STPG2: variants seen among roughly 807,000 people sequenced by gnomAD.
STPG2 encodes sperm-tail PG-rich repeat-containing protein 2.
Under a neutral mutation model 54.2 loss-of-function variants are expected in STPG2, and 56 were observed. That is an observed-to-expected ratio of 1.03 (90% CI 0.83 to 1.29). STPG2 has a LOEUF of 1.29. STPG2 is among the 50% of genes most tolerant of loss of function. The probability of loss-of-function intolerance (pLI) is 0.00; values close to 1 mark genes in which losing one functional copy is unlikely to be tolerated. For missense variants in STPG2, 596 were observed against 544.9 expected (o/e 1.09, Z -0.93); for synonymous variants, 200 against 181.8 (o/e 1.10, Z -0.81).
chr4:98,019,631 G>C (rs970081278), intron 5 of STPG2, among the ~76,000 whole-genome samples: 1 of 150,386 alleles, frequency 6.6e-6, no homozygotes, highest in African/African-American at 2.5e-5. Context: ...TCACAATATT[G>C]ATTCTTCCAA....
chr4:97,502,180 C>A (rs997806043), intron 4 of STPG2, among the ~76,000 whole-genome samples: 3 of 151,560 alleles, frequency 2.0e-5, no homozygotes, highest in Admixed American at 1.3e-4. Context: ...TTTCTAAGAC[C>A]TGAGGATCTG....
intron 4 of STPG2, among the ~76,000 whole-genome samples, chr4:97,473,145 A>G (rs1192818266): frequency 6.6e-6 from 1 of 152,160 alleles, no homozygotes; most frequent in African/African-American, 2.4e-5. Flanking sequence ...ATTGTAGAGC[A>G]TGTGTGTTTG....
At chr4:97,716,407 A>G (rs1724289786) in intron 9 of STPG2, among the ~76,000 whole-genome samples, 1 of 152,182 alleles carries the variant, frequency 6.6e-6, no homozygotes, top group Admixed American at 6.5e-5. Context: ...ACGTATGTTT[A>G]TTGCAGCACT....
chr4:97,660,361 T>C (rs1722343692), intron 10 of STPG2, among the ~76,000 whole-genome samples: 1 of 152,198 alleles, frequency 6.6e-6, no homozygotes, highest in Admixed American at 6.5e-5. Context: ...CTTGCAGCTA[T>C]TGAGCAACTG....
intron 8 of STPG2, chr4:97,893,330 T>C (rs1411646796): frequency 6.6e-6 from 1 of 152,074 alleles, no homozygotes; most frequent in Non-Finnish European, 1.5e-5. Context: ...TGAAGCACTT[T>C]GACTAAAACA....
At chr4:97,882,992 C>T (rs1730433215) in intron 8 of STPG2, among the ~76,000 whole-genome samples, 1 of 151,494 alleles carries the variant, frequency 6.6e-6, no homozygotes, top group African/African-American at 2.4e-5. Flanking sequence ...CACACACACA[C>T]ACACACACAC....
At chr4:98,085,005 C>G (rs75988307) in intron 5 of STPG2, among the ~76,000 whole-genome samples, 1 of 151,738 alleles carries the variant, frequency 6.6e-6, no homozygotes, top group African/African-American at 2.4e-5. Flanking sequence ...CTTTTTGTAC[C>G]CTATCTAAAT....
intron 8 of STPG2, among the ~76,000 whole-genome samples, chr4:97,885,399 A>T (rs1730526065): frequency 6.6e-6 from 1 of 152,250 alleles, no homozygotes; most frequent in South Asian, 2.1e-4. Context: ...CTTTCTAAAT[A>T]TCACGTGTTA....
At chr4:97,685,854 T>C (rs937880082) in intron 10 of STPG2, among the ~76,000 whole-genome samples, 1 of 152,194 alleles carries the variant, frequency 6.6e-6, no homozygotes, top group African/African-American at 2.4e-5. Flanking sequence ...AAAAATAATG[T>C]CCATTTTTGT....
At chr4:98,078,091 TGAGA>T (rs899577976) in intron 5 of STPG2, among the ~76,000 whole-genome samples, 6 of 151,638 alleles carry the variant, frequency 4.0e-5, no homozygotes, top group African/African-American at 1.5e-4. Flanking sequence ...TACCACAAAA[TGAGA>T]GAGAGAGAAA....
chr4:97,757,171 T>G (rs1270010234), intron 9 of STPG2, among the ~76,000 whole-genome samples: 1 of 152,208 alleles, frequency 6.6e-6, no homozygotes, highest in Admixed American at 6.5e-5. Context: ...CCCATGAAGT[T>G]GAAAACTTGG....
chr4:98,142,808 T>C (rs1740335667), intron 1 of STPG2, among the ~76,000 whole-genome samples: 1 of 152,170 alleles, frequency 6.6e-6, no homozygotes, highest in Admixed American at 6.5e-5. Flanking sequence ...AGACAACTAT[T>C]GCGGAATCAA....
chr4:97,782,370 A>T (rs1726669283), intron 9 of STPG2, among the ~76,000 whole-genome samples: 1 of 152,202 alleles, frequency 6.6e-6, no homozygotes, highest in Admixed American at 6.5e-5. Flanking sequence ...CCAACTTACA[A>T]GGGATGTGAA....
chr4:97,594,114 G>A (rs1223475864), intron 10 of STPG2, among the ~76,000 whole-genome samples: 1 of 152,174 alleles, frequency 6.6e-6, no homozygotes, highest in Non-Finnish European at 1.5e-5. Context: ...CTCCAAAACT[G>A]TACTCGTTCC....
At chr4:98,110,983 A>ATATC (rs1560684283) in intron 3 of STPG2, among the ~76,000 whole-genome samples, 6 of 152,158 alleles carry the variant, frequency 3.9e-5, no homozygotes, top group Non-Finnish European at 8.8e-5. Flanking sequence ...TAAAAGAAGT[A>ATATC]TATCAAATAG....
chr4:97,880,800 G>T (rs1343156782), intron 8 of STPG2, among the ~76,000 whole-genome samples: 1 of 151,898 alleles, frequency 6.6e-6, no homozygotes, highest in Non-Finnish European at 1.5e-5. Flanking sequence ...GAGCAGGATT[G>T]AATATATCAC....
intron 8 of STPG2, among the ~76,000 whole-genome samples, chr4:97,934,464 T>A (rs1459596005): frequency 6.6e-6 from 1 of 152,314 alleles, no homozygotes; most frequent in East Asian, 1.9e-4. Context: ...TGCTTCCAGC[T>A]TTTTCCCACT....
At chr4:97,621,249 A>C (rs1734002579) in intron 10 of STPG2, among the ~76,000 whole-genome samples, 1 of 152,174 alleles carries the variant, frequency 6.6e-6, no homozygotes, top group African/African-American at 2.4e-5. Flanking sequence ...CACAAGAGCA[A>C]ATAAACCCCA....
At chr4:98,086,759 T>A (rs1738530234) in intron 5 of STPG2, among the ~76,000 whole-genome samples, 1 of 151,996 alleles carries the variant, frequency 6.6e-6, no homozygotes, top group Non-Finnish European at 1.5e-5. Flanking sequence ...TGGTTTTGTT[T>A]AAAGTATAGT....
Sources: allele counts gnomAD v4.1 joint callset (sites outside exome capture counted in the v4.1 genomes callset), GRCh38; gene constraint gnomAD v4.1.1; transcripts MANE v1.5; gene names NCBI Gene and HGNC (gene_info 2026-07-23, HGNC 2026-07-21).